The following ZNF469 variants were observed in gnomAD, a reference collection of about 807,000 sequenced individuals.
The protein encoded by ZNF469 is zinc finger protein 469.
In ZNF469, 1 loss-of-function variant was observed where a neutral mutation model predicts 1.0. The ratio of observed to expected loss-of-function variants is 1.00; its 90% confidence interval spans 0.35 to 4.73. ZNF469 has a LOEUF of 4.73. Among genes scored for constraint, ZNF469 ranks in the 30% most tolerant of loss-of-function variants. ZNF469 has a pLI of 0.16. For synonymous variants in ZNF469, 2,703 were observed against 2,363.4 expected (o/e 1.14, Z -4.17); for missense variants, 6,100 against 5,356.3 (o/e 1.14, Z -4.33).
At chr16:88,261,988 T>A in the ZNF469 span, among the ~76,000 whole-genome samples, 1 of 152,092 alleles carries the variant, frequency 6.6e-6, no homozygotes, top group Non-Finnish European at 1.5e-5. This position sits in a 1 kb window ranked among gnomAD's most constrained non-coding sequence, Gnocchi z 6.0. Context: ...TCCGGCCTCC[T>A]CTCCCTCCCA....
intron 1 of ZNF469, among the ~76,000 whole-genome samples, chr16:88,417,775 G>A (rs1191590877): frequency 3.9e-5 from 6 of 152,198 alleles, no homozygotes; most frequent in African/African-American, 9.6e-5. Flanking sequence ...TCCCAGTGCC[G>A]GGGAGCTCTC....
At chr16:88,327,560 G>A in the ZNF469 span, among the ~76,000 whole-genome samples, 88 of 152,104 alleles carry the variant, frequency 5.8e-4, no homozygotes, top group African/African-American at 2.0e-3. Flanking sequence ...GGTTGGGGGG[G>A]GGTCTGTGCT....
chr16:88,409,041 ATGGGGC>A (rs1249644761), intron 1 of ZNF469, among the ~76,000 whole-genome samples: 5 of 152,140 alleles, frequency 3.3e-5, no homozygotes, highest in African/African-American at 9.6e-5. Flanking sequence ...TGCAGGGGAG[ATGGGGC>A]TGGGGCTGGG....
chr16:88,163,520 GGA>G, the ZNF469 span, among the ~76,000 whole-genome samples: 1 of 151,252 alleles, frequency 6.6e-6, no homozygotes, highest in African/African-American at 2.4e-5. Context: ...ATGGATGGAT[GGA>G]TGGATGGATG....
chr16:88,134,408 T>C, the ZNF469 span, among the ~76,000 whole-genome samples: 1 of 152,254 alleles, frequency 6.6e-6, no homozygotes, highest in African/African-American at 2.4e-5. Flanking sequence ...CGGAGAGGTC[T>C]GCGTGGTTGC....
In ZNF469 at chr16:88,431,401, CCAG is replaced by C. The variant is rs1567512105; in HGVS notation, c.3932_3934del (p.Pro1311_Val1312delinsLeu). 5 of 1,550,132 alleles carry C rather than the reference CCAG, an allele frequency of 3.2e-6. No individual in the cohort carries two copies. The Admixed American group carries it at 9.8e-5, about 30-fold the overall frequency. Reference sequence around the variant, plus strand: ...GGGTGGTCCTGGGGGCACACAGGCCCCAGTCTCCCACAACAGCAAGGACCCCCC... The same window carrying C: ...GGGTGGTCCTGGGGGCACACAGGCCCTCTCCCACAACAGCAAGGACCCCCC... On this transcript the variant is annotated inframe_deletion, in exon 3 of 3. Transcript: ENST00000565624.
the ZNF469 span, among the ~76,000 whole-genome samples, chr16:88,117,982 G>A: frequency 3.3e-5 from 5 of 152,188 alleles, no homozygotes; most frequent in African/African-American, 7.2e-5. Flanking sequence ...TCGCTCTGTC[G>A]CCCAGGCTGG....
chr16:88,371,161 A>T, the ZNF469 span, among the ~76,000 whole-genome samples: 2 of 152,276 alleles, frequency 1.3e-5, no homozygotes, highest in Non-Finnish European at 2.9e-5. Flanking sequence ...GCTGTTACAC[A>T]GCAAAGCCTC....
chr16:88,115,652 G>A, the ZNF469 span, among the ~76,000 whole-genome samples: 2 of 35,700 alleles, frequency 5.6e-5, no homozygotes, highest in Non-Finnish European at 1.3e-4. Flanking sequence ...GAGGCCCGCC[G>A]AGCCGTACTC....
the ZNF469 span, among the ~76,000 whole-genome samples, chr16:88,352,169 T>G: frequency 6.6e-6 from 1 of 151,600 alleles, no homozygotes; most frequent in Admixed American, 6.6e-5. Flanking sequence ...CCTTCTAGGG[T>G]TAGGAAAAAG....
At chr16:88,374,763 C>T in the ZNF469 span, among the ~76,000 whole-genome samples, 3 of 152,026 alleles carry the variant, frequency 2.0e-5, no homozygotes, top group Non-Finnish European at 2.9e-5. Context: ...GGGCTGAGAT[C>T]GGCGCCGTAT....
At chr16:88,381,119 C>T (rs117936940), upstream of ZNF469, among the ~76,000 whole-genome samples, 1,958 of 146,766 alleles carry the variant, frequency 0.013, 19 homozygotes, top group Non-Finnish European at 0.023. Context: ...CTCGCACACA[C>T]GCACACACAG....
Position 88,429,212 on chromosome 16 carries a change from C to T in ZNF469, c.1742C>T (p.Pro581Leu), listed in dbSNP as rs765823220. The T allele has an allele frequency of 1.5e-5, 23 of 1,549,646 alleles. No individual in the cohort carries two copies. Among genetic ancestry groups the T allele is most frequent in the Admixed American group, 5.9e-5 (3 of 50,982 alleles). Residue 581 changes from proline to leucine, a missense_variant, in exon 3 of 3, where the codon CCG becomes CTG. Coordinates refer to ENST00000565624, the MANE Select transcript of ZNF469 (RefSeq NM_001367624.2). ...SPHGTPSLPP[P>L]RVVGASPSES... ...CACGGGACACCCAGCCTGCCCCCAC[C>T]GAGGGTAGTGGGAGCCTCCCCCAGC...
At chr16:88,290,211 C>T in the ZNF469 span, among the ~76,000 whole-genome samples, 1 of 152,256 alleles carries the variant, frequency 6.6e-6, no homozygotes, top group African/African-American at 2.4e-5. Context: ...GTCGCGGCAT[C>T]TGCCTGGCTG....
chr16:88,220,967 C>T, the ZNF469 span, among the ~76,000 whole-genome samples: 1 of 152,208 alleles, frequency 6.6e-6, no homozygotes, highest in African/African-American at 2.4e-5. Context: ...CACTCACTGC[C>T]ACCAGTAAGC....
the ZNF469 span, among the ~76,000 whole-genome samples, chr16:88,219,070 A>C: frequency 6.7e-6 from 1 of 150,018 alleles, no homozygotes; most frequent in African/African-American, 2.5e-5. Context: ...AGGGATGTGA[A>C]GGACCTCTTC....
In ZNF469 at chr16:88,434,336, C is replaced by T. The variant is rs1298557015; in HGVS notation, c.6866C>T (p.Ser2289Phe). The change falls in exon 3 of 3, where the codon TCC becomes TTC. Residue 2289 changes from serine (S) to phenylalanine (F), a missense_variant. Transcript: ENST00000565624. ...GTGGCCGTCAGGGCTACTGGCCTGTCCAGCACTCCCACCGGAGATGAGGCA... is the reference window on the plus strand; with the variant it reads ...GTGGCCGTCAGGGCTACTGGCCTGTTCAGCACTCCCACCGGAGATGAGGCA... ...PSVAVRATGLSSTPTGDEAQA... is the reference protein window; with the variant it reads ...PSVAVRATGLFSTPTGDEAQA... The T allele has an allele frequency of 6.5e-7, 1 of 1,550,258 alleles. No homozygotes were observed. The highest frequency in any genetic ancestry group is 2.4e-5 in the East Asian group (1 of 40,920).
chr16:88,292,823 C>G, the ZNF469 span, among the ~76,000 whole-genome samples: 1 of 146,030 alleles, frequency 6.8e-6, no homozygotes, highest in Non-Finnish European at 1.5e-5. Context: ...AAAAAAACCT[C>G]TAACAGAATT....
At chr16:88,397,129 A>C (rs1241804348) in intron 1 of ZNF469, among the ~76,000 whole-genome samples, 1 of 152,232 alleles carries the variant, frequency 6.6e-6, no homozygotes, top group African/African-American at 2.4e-5. Flanking sequence ...TCCTGCAGGG[A>C]GGCTAAGTGG....
Sources: gnomAD v4.1 joint callset for allele counts (sites outside exome capture counted in the v4.1 genomes callset) on GRCh38, gnomAD v4.1.1 for gene constraint, Gnocchi (gnomAD v3.1) non-coding constraint, MANE v1.5 for transcripts, NCBI Gene and HGNC (gene_info 2026-07-23, HGNC 2026-07-21) for gene names.